RABGGTB: variants seen among roughly 807,000 people sequenced by gnomAD.
RABGGTB encodes Rab geranylgeranyltransferase subunit beta, also known as geranylgeranyl transferase type-2 subunit beta.
RABGGTB carries 20 observed loss-of-function variants against 44.5 expected under a neutral mutation model. The observed-to-expected ratio is 0.45, with a 90% CI of 0.32 to 0.65. The LOEUF (loss-of-function observed/expected upper bound fraction) is 0.65. RABGGTB is among the 30% of genes least tolerant of loss of function. The pLI, the probability that RABGGTB is intolerant of heterozygous loss-of-function variation, is 0.05. For synonymous variants in RABGGTB, 128 were observed against 136.7 expected (o/e 0.94, Z 0.44); for missense variants, 302 against 398.7 (o/e 0.76, Z 2.06).
At chr1:75,790,783 A>G (rs767170301) in intron 4 of RABGGTB, among the ~76,000 whole-genome samples, 14 of 151,828 alleles carry the variant, frequency 9.2e-5, no homozygotes, top group Non-Finnish European at 2.1e-4. Context: ...AGCTCAAGCA[A>G]TTCTCCTGCC....
chr1:75,793,986 C>A, intron 7 of RABGGTB, 98 bp from the exon 8 acceptor site: 1 of 980,186 alleles, frequency 1.0e-6, no homozygotes, highest in Non-Finnish European at 1.5e-6. Flanking sequence ...CTTTGAACAT[C>A]AGATTACCTA....
chr1:75,786,228 G>A (rs201635722), upstream of RABGGTB: 12 of 1,613,614 alleles, frequency 7.4e-6, no homozygotes, highest in Admixed American at 1.7e-5. Flanking sequence ...CGGCTCCTAA[G>A]TCTACCCAGG....
At chr1:75,789,468 G>GTCC in intron 3 of RABGGTB, 112 bp downstream of exon 3, 1 of 1,044,258 alleles carries the variant, frequency 9.6e-7, no homozygotes, top group East Asian at 2.4e-5. Flanking sequence ...AAGTGAAGCT[G>GTCC]TCCTACAAGG....
At chr1:75,790,284 A>T (rs774250357) in intron 4 of RABGGTB, 14 of 1,232,008 alleles carry the variant, frequency 1.1e-5, no homozygotes, top group Non-Finnish European at 1.2e-5. Context: ...GGTAGGTGGA[A>T]TTTTTTTCCC....
At chr1:75,790,983 T>A (rs1007098245) in intron 4 of RABGGTB, among the ~76,000 whole-genome samples, 3 of 152,044 alleles carry the variant, frequency 2.0e-5, no homozygotes, top group African/African-American at 7.2e-5. Flanking sequence ...AGAGATGGGG[T>A]CCCATTATGT....
chr1:75,789,527 T>C (rs1433214806), intron 3 of RABGGTB, 171 bp downstream of exon 3: 1 of 812,804 alleles, frequency 1.2e-6, no homozygotes, highest in Non-Finnish European at 2.2e-6. Flanking sequence ...TGATGTGAGT[T>C]CTAAAATTAC....
Position 75,789,194 on chromosome 1 carries a change from C to CATCT in RABGGTB, c.150_153dup (p.Trp52LeufsTer18). The CATCT allele has an allele frequency of 1.9e-6, 3 of 1,613,882 alleles. No individual in the cohort carries two copies. The highest frequency in any genetic ancestry group is 2.5e-6 in the Non-Finnish European group (3 of 1,179,844). On this transcript the variant is annotated frameshift_variant, in exon 3 of 9. Transcript: ENST00000319942. LOFTEE classifies it high-confidence loss of function. ...TGTCTGAGTATTTGAGAATGAGTGGCATCTATTGGGGTCTGACAGTAATGG... is the reference window on the plus strand; with the variant it reads ...TGTCTGAGTATTTGAGAATGAGTGGCATCTATCTATTGGGGTCTGACAGTAATGG...
chr1:75,790,480 C>A, intron 4 of RABGGTB: 1 of 1,041,402 alleles, frequency 9.6e-7, no homozygotes. Context: ...AGACCAGCTG[C>A]TTCATGGGAT....
At chr1:75,790,090 T>C (rs746275276) in intron 4 of RABGGTB, 33 bp downstream of exon 4, 35 of 1,607,614 alleles carry the variant, frequency 2.2e-5, no homozygotes, top group Non-Finnish European at 2.9e-5. Context: ...CTACCCAAAA[T>C]ACCAATATTA....
intron 1 of RABGGTB, chr1:75,787,292 A>C: frequency 1.6e-6 from 1 of 616,430 alleles, no homozygotes; most frequent in Non-Finnish European, 2.9e-6. Context: ...CAGTGACACA[A>C]CCTCAGTTCA....
intron 2 of RABGGTB, chr1:75,788,246 C>G (rs1257287769): frequency 1.1e-5 from 2 of 181,944 alleles, no homozygotes; most frequent in Non-Finnish European, 2.4e-5. Flanking sequence ...TGCTATCTAT[C>G]TTTATGCCCT....
chr1:75,790,403 G>C (rs985555680), intron 4 of RABGGTB: 1 of 1,150,714 alleles, frequency 8.7e-7, no homozygotes, highest in Non-Finnish European at 1.1e-6. Flanking sequence ...TGGAGGGAGG[G>C]AATAGAATTT....
At chr1:75,787,365 T>C (rs1649520781) in intron 1 of RABGGTB, 132 bp from the exon 2 acceptor site, 2 of 730,554 alleles carry the variant, frequency 2.7e-6, no homozygotes, top group East Asian at 5.4e-5. Context: ...TTAGTTACAA[T>C]TTTTAAATGG....
chr1:75,786,293 C>T lies in RABGGTB; in HGVS notation c.3+19C>T. The T allele has an allele frequency of 6.2e-7, 1 of 1,614,182 alleles. No homozygotes were observed. Among genetic ancestry groups the T allele is most frequent in the Admixed American group, 1.7e-5 (1 of 60,028 alleles). On this transcript the variant is annotated intron_variant, in intron 1 of 8. Transcript: ENST00000319942. ...AGACATGGTAAGTGTGAGTTTAGCG[C>T]TGCTGTCCGGATGGGTTGGTAGCAG...
At chr1:75,786,921 G>A (rs1472088955) in intron 1 of RABGGTB, 2 of 355,662 alleles carry the variant, frequency 5.6e-6, no homozygotes, top group Admixed American at 4.3e-5. Flanking sequence ...TTAAGGGTTA[G>A]ATTTTTTTAT....
At position 75,794,737 on chromosome 1, in the gene RABGGTB, C is replaced by A; in HGVS notation, c.*87C>A. 1 of 1,094,520 alleles carries A rather than the reference C, an allele frequency of 9.1e-7. No homozygotes were observed. 67.8% of individuals were successfully genotyped at this position (1,094,520 alleles called of 1,614,324 possible). ...TGCTTATCGAATCTAAAAGTGACTA[C>A]TGTTAATATTTTGTATATTGTGTTA... On this transcript the variant is annotated 3_prime_UTR_variant, in exon 9 of 9. Transcript: ENST00000319942.
At chr1:75,792,350 G>A (rs1333867268) in intron 7 of RABGGTB, 44 bp downstream of exon 7, 2 of 1,596,224 alleles carry the variant, frequency 1.3e-6, no homozygotes, top group Non-Finnish European at 1.7e-6. Flanking sequence ...AGAACCTTGA[G>A]TGAATGCTGC....
At chr1:75,787,796 T>C in intron 2 of RABGGTB, 192 bp downstream of exon 2, 2 of 670,436 alleles carry the variant, frequency 3.0e-6, no homozygotes, top group Non-Finnish European at 5.4e-6. Context: ...TCTCAGTTTT[T>C]ACCTATACTG....
Position 75,792,163 on chromosome 1 carries a change from T to C in RABGGTB, c.580-18T>C, listed in dbSNP as rs1474521120. 1 of 1,587,120 alleles carries C rather than the reference T, an allele frequency of 6.3e-7. No homozygotes were observed. The highest frequency in any genetic ancestry group is 8.6e-7 in the Non-Finnish European group (1 of 1,156,198). ...CAAGAAATTATTATACACATAAACT[T>C]TATGTCTGTAATTTTAGATCTATTG... is the stretch of plus-strand genomic sequence containing the variant. On this transcript the variant is annotated intron_variant, in intron 6 of 8. Coordinates refer to ENST00000319942, the MANE Select transcript of RABGGTB (RefSeq NM_004582.4).
Sources: gnomAD v4.1 joint callset for allele counts (sites outside exome capture counted in the v4.1 genomes callset) on GRCh38, gnomAD v4.1.1 for gene constraint, MANE v1.5 for transcripts, NCBI Gene and HGNC (gene_info 2026-07-23, HGNC 2026-07-21) for gene names.